The following TENM2 variants were observed in gnomAD, a reference collection of about 807,000 sequenced individuals.
TENM2 encodes teneurin-2.
A neutral mutation model predicts 245.2 loss-of-function variants in TENM2; 52 were observed. That is an observed-to-expected ratio of 0.21 (90% confidence interval 0.17 to 0.27). The LOEUF (loss-of-function observed/expected upper bound fraction) is 0.27, where lower values mean the gene tolerates loss of function less well. Among genes scored for constraint, TENM2 ranks in the 10% least tolerant of loss-of-function variants. The pLI is 1.00. For synonymous variants in TENM2, 1,363 were observed against 1,438.9 expected (o/e 0.95, Z 1.19); for missense variants, 3,046 against 3,666.8 (o/e 0.83, Z 4.37).
chr5:167,737,490 C>T (rs987304153), intron 2 of TENM2, among the ~76,000 whole-genome samples: 3 of 152,210 alleles, frequency 2.0e-5, no homozygotes, highest in African/African-American at 7.2e-5. Context: ...GAGAACCCAG[C>T]TGGGAAGCTG....
At chr5:168,009,201 C>A (rs2152070096) in intron 5 of TENM2, among the ~76,000 whole-genome samples, 1 of 152,314 alleles carries the variant, frequency 6.6e-6, no homozygotes, top group Non-Finnish European at 1.5e-5. Flanking sequence ...ACAAATGTGG[C>A]ATGTGGTCCT....
intron 2 of TENM2, among the ~76,000 whole-genome samples, chr5:167,714,374 G>T (rs1284474677): frequency 6.6e-6 from 1 of 152,194 alleles, no homozygotes; most frequent in Non-Finnish European, 1.5e-5. Context: ...TCTTATCTCT[G>T]CTCTTTCTTC....
chr5:168,015,846 A>C (rs1354725467), intron 5 of TENM2, among the ~76,000 whole-genome samples: 2 of 152,218 alleles, frequency 1.3e-5, no homozygotes, highest in Non-Finnish European at 2.9e-5. Context: ...TGATGCTTCA[A>C]GTTGAGGGCT....
At chr5:167,367,939 C>A (rs751752187) in intron 1 of TENM2, among the ~76,000 whole-genome samples, 2 of 151,922 alleles carry the variant, frequency 1.3e-5, no homozygotes, top group Non-Finnish European at 2.9e-5. Context: ...CTATCTTTTT[C>A]TTAAATATCT....
intron 3 of TENM2, among the ~76,000 whole-genome samples, chr5:167,889,305 C>T (rs974584927): frequency 6.6e-6 from 1 of 152,010 alleles, no homozygotes; most frequent in African/African-American, 2.4e-5. Flanking sequence ...TGTTGATGTC[C>T]ACTGTGGACG....
intron 2 of TENM2, among the ~76,000 whole-genome samples, chr5:167,531,818 G>A (rs1771526345): frequency 6.6e-6 from 1 of 152,080 alleles, no homozygotes; most frequent in Admixed American, 6.6e-5. Context: ...ATAAATAATA[G>A]CCAATTAGTT....
rs71853736 is a variant in TENM2, at chr5:167,900,111, T to TAAAAAAAAAAAAAA, written c.712+23925_712+23938dup. ...CTTTCTGTCTGTGCCCTCAACCCAC[T>TAAAAAAAAAAAAAA]AAAAAAAAAAAAAAAAAAAAAAGGG... On this transcript the variant is annotated intron_variant, in intron 3 of 28. Transcript: ENST00000518659. Among the ~76,000 whole-genome samples the TAAAAAAAAAAAAAA allele has an allele frequency of 2.5e-4, 11 of 43,464 alleles. 1 individual carries two copies. The highest frequency in any genetic ancestry group is 1.3e-3 in the African/African-American group (11 of 8,314). The allele number at this position is 43,464 out of a possible 152,430, so 28.5% of individuals were successfully genotyped here. A position where few individuals can be genotyped will look rare whatever the true frequency, so the allele number is the denominator to read the frequency against.
intron 2 of TENM2, among the ~76,000 whole-genome samples, chr5:167,503,145 T>C (rs1769318709): frequency 6.6e-6 from 1 of 152,174 alleles, no homozygotes; most frequent in Non-Finnish European, 1.5e-5. Context: ...TATTTTTTAC[T>C]AATCAAAGTA....
At chr5:167,680,286 A>G (rs1397471999) in intron 2 of TENM2, among the ~76,000 whole-genome samples, 1 of 148,132 alleles carries the variant, frequency 6.8e-6, no homozygotes, top group East Asian at 2.0e-4. Context: ...TTTTGGGAAA[A>G]ATTATGCCCT....
intron 2 of TENM2, among the ~76,000 whole-genome samples, chr5:167,852,495 GTTTT>G (rs1182857048): frequency 6.6e-6 from 1 of 152,018 alleles, no homozygotes; most frequent in African/African-American, 2.4e-5. Flanking sequence ...GCTGTAAATT[GTTTT>G]TTATTATTTA....
At chr5:167,527,538 T>A (rs1380642880) in intron 2 of TENM2, among the ~76,000 whole-genome samples, 2 of 152,174 alleles carry the variant, frequency 1.3e-5, no homozygotes, top group Admixed American at 1.3e-4. Flanking sequence ...AGTCAACAAA[T>A]GCTAATACTC....
At chr5:167,320,415 C>A (rs1489113550) in intron 1 of TENM2, among the ~76,000 whole-genome samples, 1 of 152,182 alleles carries the variant, frequency 6.6e-6, no homozygotes, top group African/African-American at 2.4e-5. Context: ...ACAGGTAAAT[C>A]CTGACTTAAA....
chr5:167,052,758 T>C, the TENM2 span, among the ~76,000 whole-genome samples: 1 of 152,030 alleles, frequency 6.6e-6, no homozygotes. Flanking sequence ...AGCTAAGATA[T>C]GAGTTTTCTT....
chr5:167,643,347 A>G (rs1335223427), intron 2 of TENM2, among the ~76,000 whole-genome samples: 1 of 151,996 alleles, frequency 6.6e-6, no homozygotes, highest in East Asian at 1.9e-4. Context: ...CCGTTTCTGG[A>G]TATTTCCTAC....
chr5:167,560,490 C>G (rs929101439), intron 2 of TENM2, among the ~76,000 whole-genome samples: 1 of 151,968 alleles, frequency 6.6e-6, no homozygotes, highest in South Asian at 2.1e-4. Context: ...GTATGTACAC[C>G]AGAAAGGGAA....
intron 3 of TENM2, among the ~76,000 whole-genome samples, chr5:167,932,629 C>T (rs1419571621): frequency 1.3e-5 from 2 of 152,068 alleles, no homozygotes. Flanking sequence ...TGAGACAGTG[C>T]CTGTACCTCT....
intron 2 of TENM2, among the ~76,000 whole-genome samples, chr5:167,474,978 A>G (rs550530186): frequency 6.6e-6 from 1 of 152,338 alleles, no homozygotes; most frequent in South Asian, 2.1e-4. Flanking sequence ...CAAACCTAGT[A>G]TATTTTTAGA....
At chr5:168,090,546 T>G (rs376306302) in intron 7 of TENM2, 28 bp from the exon 10 acceptor site, 1 of 1,601,548 alleles carries the variant, frequency 6.2e-7, no homozygotes, top group African/African-American at 1.3e-5. Context: ...CCTTGTCTCA[T>G]GCATGGTACT....
intron 4 of TENM2, among the ~76,000 whole-genome samples, chr5:167,984,735 G>A (rs773290880): frequency 1.6e-4 from 24 of 152,166 alleles, no homozygotes; most frequent in Non-Finnish European, 2.8e-4. Flanking sequence ...AAGACAGAAC[G>A]CTTAAGCGAT....
Sources: gnomAD v4.1 joint callset for allele counts (sites outside exome capture counted in the v4.1 genomes callset) on GRCh38, gnomAD v4.1.1 for gene constraint, MANE v1.5 for transcripts, NCBI Gene and HGNC (gene_info 2026-07-23, HGNC 2026-07-21) for gene names.